The following DNAI1 variants were observed in gnomAD, a reference collection of about 807,000 sequenced individuals.
DNAI1 encodes dynein axonemal intermediate chain 1, also known as dynein, axonemal, intermediate polypeptide 1.
In DNAI1, 67 loss-of-function variants were observed where a neutral mutation model predicts 92.0. The ratio of observed to expected loss-of-function variants is 0.73; its 90% confidence interval spans 0.60 to 0.89. The LOEUF (loss-of-function observed/expected upper bound fraction) is 0.89. DNAI1 is among the 40% of genes least tolerant of loss of function. The pLI is 0.00. For synonymous variants in DNAI1, 323 were observed against 319.6 expected, an observed-to-expected ratio of 1.01 and a Z score of -0.11; for missense variants, 839 against 866.6, an observed-to-expected ratio of 0.97 and a Z score of 0.40.
intron 1 of DNAI1, among the ~76,000 whole-genome samples, chr9:34,466,688 T>C (rs1234278248): frequency 6.6e-6 from 1 of 152,212 alleles, no homozygotes; most frequent in Non-Finnish European, 1.5e-5. Context: ...TAACCTAGAA[T>C]TGAAATTGGA....
chr9:34,481,922 G>C (rs1824367650), intron 1 of DNAI1, among the ~76,000 whole-genome samples: 1 of 152,234 alleles, frequency 6.6e-6, no homozygotes. Flanking sequence ...GGTTGCCAAT[G>C]CTGGCTCGGG....
intron 9 of DNAI1, 57 bp from the exon 10 acceptor site, chr9:34,497,058 C>T: frequency 7.6e-7 from 1 of 1,309,570 alleles, no homozygotes; most frequent in Non-Finnish European, 1.1e-6. Flanking sequence ...TGGCTCAGGA[C>T]ATATGACCTT....
At chr9:34,507,000 G>A in intron 13 of DNAI1, 126 bp downstream of exon 13, 1 of 1,414,098 alleles carries the variant, frequency 7.1e-7, no homozygotes, top group Non-Finnish European at 9.6e-7. Context: ...GGTACCATCA[G>A]GTCAGGATCT....
intron 1 of DNAI1, among the ~76,000 whole-genome samples, chr9:34,482,292 C>G (rs532241091): frequency 4.0e-5 from 6 of 149,316 alleles, no homozygotes; most frequent in African/African-American, 1.5e-4. Context: ...CAGCTAGATA[C>G]AGAGTGTCGA....
intron 1 of DNAI1, among the ~76,000 whole-genome samples, chr9:34,468,496 T>C (rs1824080857): frequency 8.5e-6 from 1 of 117,080 alleles, no homozygotes; most frequent in Admixed American, 8.1e-5. Context: ...GCCAAGAAGG[T>C]TTTGTTTTGT....
In DNAI1 at chr9:34,514,634, C is replaced by T; in HGVS notation, c.1719-6C>T. On this transcript the variant is annotated splice_polypyrimidine_tract_variant and splice_region_variant and intron_variant, in intron 17 of 19. Coordinates refer to ENST00000242317, the MANE Select transcript of DNAI1 (RefSeq NM_012144.4). ...GCCATGGGCTTTCCACCCTCCACCT[C>T]TGCAGGACCCCGATGTTCATCTATG... The T allele has an allele frequency of 1.2e-6, 2 of 1,614,232 alleles. No individual in the cohort carries two copies. The highest frequency in any genetic ancestry group is 1.6e-4 in the Middle Eastern group (1 of 6,062).
chr9:34,483,489 T>C lies in DNAI1; in HGVS notation c.81+9T>C, dbSNP rs1824414651. The C allele has an allele frequency of 1.9e-6, 3 of 1,611,670 alleles. No homozygotes were observed. Among genetic ancestry groups the C allele is most frequent in the Non-Finnish European group, 2.5e-6 (3 of 1,179,254 alleles). On this transcript the variant is annotated intron_variant, in intron 2 of 19. Coordinates refer to ENST00000242317, the MANE Select transcript of DNAI1 (RefSeq NM_012144.4). ...GAGGAACCAGGAAGAGAGTAAGTGC[T>C]GAGACTACCATGGTCTCTCAGCAAG...
intron 9 of DNAI1, among the ~76,000 whole-genome samples, chr9:34,496,608 C>A (rs1824729373): frequency 6.6e-6 from 1 of 152,224 alleles, no homozygotes; most frequent in Non-Finnish European, 1.5e-5. Context: ...TGTATGTAAG[C>A]ATGTCTCTCC....
Position 34,493,183 on chromosome 9 carries a change from C to T in DNAI1, c.682-11C>T, listed in dbSNP as rs186333447. 4 of 1,614,060 alleles carry T rather than the reference C, an allele frequency of 2.5e-6. No homozygotes were observed. Among genetic ancestry groups the T allele is most frequent in the South Asian group, 1.1e-5 (1 of 91,084 alleles). ...CCTTACAATGATCCTTCTTATCTCA[C>T]CCTTGCCTAGTGGGAGATCTATGAT... On this transcript the variant is annotated splice_polypyrimidine_tract_variant and intron_variant, in intron 8 of 19. Coordinates refer to ENST00000242317, the MANE Select transcript of DNAI1 (RefSeq NM_012144.4).
intron 9 of DNAI1, among the ~76,000 whole-genome samples, chr9:34,496,551 G>A (rs957965763): frequency 6.6e-6 from 1 of 152,216 alleles, no homozygotes; most frequent in African/African-American, 2.4e-5. Flanking sequence ...GGTCTGGGCT[G>A]TGGGGAGGGC....
intron 1 of DNAI1, among the ~76,000 whole-genome samples, chr9:34,471,162 C>T (rs892777418): frequency 9.2e-5 from 14 of 152,068 alleles, no homozygotes; most frequent in African/African-American, 3.1e-4. Context: ...TGTGGTGGCT[C>T]ATGCCTGTAA....
chr9:34,463,983 T>C (rs1823993747), intron 1 of DNAI1, among the ~76,000 whole-genome samples: 1 of 152,198 alleles, frequency 6.6e-6, no homozygotes, highest in Admixed American at 6.5e-5. Flanking sequence ...CAAAGTAAGA[T>C]AGCTTCACTC....
chr9:34,471,723 T>A (rs1824138006), intron 1 of DNAI1, among the ~76,000 whole-genome samples: 1 of 151,426 alleles, frequency 6.6e-6, no homozygotes, highest in African/African-American at 2.4e-5. Context: ...TGAGCTAAGA[T>A]CAAGCCATTG....
chr9:34,471,769 A>C (rs1824139557), intron 1 of DNAI1, among the ~76,000 whole-genome samples: 1 of 150,374 alleles, frequency 6.7e-6, no homozygotes, highest in Non-Finnish European at 1.5e-5. Flanking sequence ...GACTCCATTA[A>C]AAAAAAAAAT....
rs770472337 is a variant in DNAI1 at position 34,491,479 on chromosome 9, T to C, written c.622-16T>C. On this transcript the variant is annotated splice_polypyrimidine_tract_variant and intron_variant, in intron 7 of 19. Transcript: ENST00000242317. ...TTGAGGGCTTTTTGTGGGTCTCCTGTTGTCTTGTTCTTTAGGATCGAGAAT... is the reference window on the plus strand; with the variant it reads ...TTGAGGGCTTTTTGTGGGTCTCCTGCTGTCTTGTTCTTTAGGATCGAGAAT... 3.7e-6 allele frequency: 6 copies of C among 1,614,128 alleles called. No homozygotes were observed. The Admixed American group carries it at 1.0e-4, about 27-fold the overall frequency.
chr9:34,487,661 G>A (rs1407101005), intron 4 of DNAI1, among the ~76,000 whole-genome samples: 1 of 152,038 alleles, frequency 6.6e-6, no homozygotes, highest in East Asian at 1.9e-4. Flanking sequence ...AGGACTCAGT[G>A]TGCTGACCAT....
chr9:34,519,853 C>A (rs1387080573), intron 19 of DNAI1, among the ~76,000 whole-genome samples: 2 of 152,214 alleles, frequency 1.3e-5, no homozygotes, highest in African/African-American at 4.8e-5. Flanking sequence ...CCTGCCCCAG[C>A]ACAGCCCTCA....
chr9:34,458,888 C>A lies in DNAI1; in HGVS notation c.-118C>A. On this transcript the variant is annotated 5_prime_UTR_variant, in exon 1 of 20. Transcript: ENST00000242317. This position sits in a 1 kb window ranked among gnomAD's most constrained non-coding sequence, Gnocchi z 6.6. ...ACAACGACGGCTGTCCCTAAAGAACCGTTGCGACTGGTAACTGAAGTGGAA... is the reference window on the plus strand; with the variant it reads ...ACAACGACGGCTGTCCCTAAAGAACAGTTGCGACTGGTAACTGAAGTGGAA... 1 of 877,106 alleles carries A rather than the reference C, an allele frequency of 1.1e-6. No homozygotes were observed. Among genetic ancestry groups the A allele is most frequent in the Non-Finnish European group, 1.9e-6 (1 of 521,480 alleles). The allele number at this position is 877,106 out of a possible 1,614,324, so 54.3% of individuals were successfully genotyped here. A position where few individuals can be genotyped will look rare whatever the true frequency, so the allele number is the denominator to read the frequency against.
Position 34,483,428 on chromosome 9 carries a change from G to A in DNAI1, c.49-20G>A. ...TCAATTTGCTTATGACTTACCTTCT[G>A]TTTTCTGTTCTTCATTTAGAGCATC... On this transcript the variant is annotated intron_variant, in intron 1 of 19. Coordinates refer to ENST00000242317, the MANE Select transcript of DNAI1 (RefSeq NM_012144.4). 6.2e-7 allele frequency: 1 copy of A among 1,609,654 alleles called. No homozygotes were observed. The highest frequency in any genetic ancestry group is 8.5e-7 in the Non-Finnish European group (1 of 1,179,034).
Sources: allele counts gnomAD v4.1 joint callset (sites outside exome capture counted in the v4.1 genomes callset), GRCh38; gene constraint gnomAD v4.1.1; non-coding constraint Gnocchi (gnomAD v3.1); transcripts MANE v1.5; gene names NCBI Gene and HGNC (gene_info 2026-07-23, HGNC 2026-07-21).